The following IDE variants were observed in gnomAD, a reference collection of about 807,000 sequenced individuals.
IDE encodes insulin degrading enzyme, also known as insulin-degrading enzyme.
IDE carries 58 observed loss-of-function variants against 133.2 expected under a neutral mutation model. That is an observed-to-expected ratio of 0.44 (90% CI 0.35 to 0.54). The LOEUF is 0.54. Ranked by LOEUF, IDE falls within the 20% of genes least tolerant of loss-of-function variation. IDE has a pLI of 0.00. For missense variants in IDE, 981 were observed against 1,234.0 expected (o/e 0.79, Z 3.07); for synonymous variants, 396 against 421.3 (o/e 0.94, Z 0.73).
intron 4 of IDE, among the ~76,000 whole-genome samples, chr10:92,520,522 C>A (rs998734032): frequency 3.3e-5 from 5 of 152,112 alleles, no homozygotes; most frequent in Non-Finnish European, 5.9e-5. Context: ...TTTATATGTT[C>A]TCTGAAAACC....
intron 11 of IDE, among the ~76,000 whole-genome samples, chr10:92,499,489 G>A (rs34459034): frequency 0.2 from 30,130 of 151,992 alleles, 4,084 homozygotes; most frequent in East Asian, 0.59. Flanking sequence ...CTGGAGTGCA[G>A]TGGTATGATC....
chr10:92,567,732 GGGAGGCAGA>G (rs1347174390), intron 1 of IDE, among the ~76,000 whole-genome samples: 1 of 152,176 alleles, frequency 6.6e-6, no homozygotes, highest in Non-Finnish European at 1.5e-5. Context: ...ACAGCACTTT[GGGAGGCAGA>G]GGCAGGAAGA....
chr10:92,489,057 T>G (rs1027845894), intron 12 of IDE, among the ~76,000 whole-genome samples: 1 of 151,908 alleles, frequency 6.6e-6, no homozygotes, highest in Non-Finnish European at 1.5e-5. Context: ...ATTTCTGGAT[T>G]CAGTAATTTG....
At chr10:92,496,035 C>A (rs577821918) in intron 11 of IDE, among the ~76,000 whole-genome samples, 1 of 151,622 alleles carries the variant, frequency 6.6e-6, no homozygotes, top group Non-Finnish European at 1.5e-5. Context: ...CCACCATGCC[C>A]GGCTAATTTT....
At chr10:92,519,483 T>C (rs566525340) in intron 4 of IDE, among the ~76,000 whole-genome samples, 1 of 152,340 alleles carries the variant, frequency 6.6e-6, no homozygotes, top group East Asian at 1.9e-4. Context: ...ACTGTGACCC[T>C]TCCACTCTAC....
At chr10:92,507,719 C>T (rs908456890) in intron 8 of IDE, 53 bp from the exon 9 acceptor site, 1 of 971,642 alleles carries the variant, frequency 1.0e-6, no homozygotes, top group African/African-American at 1.6e-5. Context: ...TCCTTCAAAG[C>T]AGTGAGCTCA....
intron 14 of IDE, chr10:92,480,861 TA>T: frequency 1.3e-6 from 1 of 787,736 alleles, no homozygotes; most frequent in Non-Finnish European, 1.5e-6. Context: ...CCCAAAATGT[TA>T]GGATTACAGG....
chr10:92,476,896 AG>A (rs1378646332), intron 15 of IDE, among the ~76,000 whole-genome samples: 1 of 152,180 alleles, frequency 6.6e-6, no homozygotes, highest in Non-Finnish European at 1.5e-5. Context: ...CTACTTGGAA[AG>A]CTGAGATGGA....
At chr10:92,528,994 T>C (rs1849774593) in intron 4 of IDE, among the ~76,000 whole-genome samples, 1 of 152,026 alleles carries the variant, frequency 6.6e-6, no homozygotes. Context: ...GGAGAATCGC[T>C]TGAACCTGAG....
At chr10:92,478,720 A>G in intron 15 of IDE, 1 of 1,283,210 alleles carries the variant, frequency 7.8e-7, no homozygotes, top group Non-Finnish European at 1.0e-6. Context: ...ACTCTTTTAA[A>G]TCATCCTTCA....
At chr10:92,556,331 A>G (rs892086563) in intron 1 of IDE, among the ~76,000 whole-genome samples, 2 of 152,096 alleles carry the variant, frequency 1.3e-5, no homozygotes, top group South Asian at 4.1e-4. Context: ...GCATCAAAAA[A>G]TAAAATACTG....
intron 11 of IDE, among the ~76,000 whole-genome samples, chr10:92,501,107 C>G (rs1847981585): frequency 6.6e-6 from 1 of 151,116 alleles, no homozygotes; most frequent in African/African-American, 2.4e-5. Context: ...TGCCTGTAAT[C>G]CCAGCACTTT....
intron 15 of IDE, among the ~76,000 whole-genome samples, chr10:92,476,490 A>C (rs1424229467): frequency 6.6e-6 from 1 of 151,912 alleles, no homozygotes; most frequent in Non-Finnish European, 1.5e-5. Context: ...CATCTTTTTT[A>C]AAAAATATAT....
At chr10:92,492,819 C>T (rs143441060) in intron 11 of IDE, among the ~76,000 whole-genome samples, 45 of 152,268 alleles carry the variant, frequency 3.0e-4, no homozygotes, top group Non-Finnish European at 4.4e-4. Flanking sequence ...CCAACTTCAA[C>T]GCTAGTAGTC....
intron 4 of IDE, among the ~76,000 whole-genome samples, chr10:92,525,980 A>C (rs1849604287): frequency 6.6e-6 from 1 of 151,870 alleles, no homozygotes; most frequent in Non-Finnish European, 1.5e-5. Flanking sequence ...AACATGCGAA[A>C]CTTCATCTCC....
chr10:92,467,251 A>T (rs938384661), intron 19 of IDE, among the ~76,000 whole-genome samples: 1 of 151,922 alleles, frequency 6.6e-6, no homozygotes, highest in African/African-American at 2.4e-5. Flanking sequence ...TTTATTTTAA[A>T]TTTTTTGTAG....
Position 92,463,990 on chromosome 10 carries a change from G to A in IDE, c.2502C>T (p.Phe834=), listed in dbSNP as rs1383683147. ...RTKEQLGYIV[F]SGPRRANGIQ... is the part of the protein sequence containing the mutation. ...TGCCATTAGCTCGACGTGGCCCGCT[G>A]AAGACGATATAGCCTGAAACACAGA... The change falls in exon 21 of 25, where the codon TTC becomes TTT. Residue 834 remains phenylalanine (F), a synonymous_variant. Transcript: ENST00000265986. The A allele has an allele frequency of 6.2e-6, 10 of 1,613,278 alleles. No individual in the cohort carries two copies. The highest frequency in any genetic ancestry group is 1.3e-5 in the African/African-American group (1 of 74,886).
chr10:92,472,255 T>C (rs1846005149), intron 17 of IDE, among the ~76,000 whole-genome samples: 1 of 152,206 alleles, frequency 6.6e-6, no homozygotes, highest in African/African-American at 2.4e-5. Flanking sequence ...CTGCTTAAAA[T>C]TAACATGCCA....
At chr10:92,553,666 C>T (rs1161598572) in intron 1 of IDE, among the ~76,000 whole-genome samples, 5 of 151,780 alleles carry the variant, frequency 3.3e-5, no homozygotes, top group South Asian at 2.1e-4. Flanking sequence ...CAACTGATAC[C>T]GCAAAAATTC....
Sources: allele counts gnomAD v4.1 joint callset (sites outside exome capture counted in the v4.1 genomes callset), GRCh38; gene constraint gnomAD v4.1.1; transcripts MANE v1.5; gene names NCBI Gene and HGNC (gene_info 2026-07-23, HGNC 2026-07-21).